Variants in TENM3 observed in about 807,000 individuals in gnomAD.
TENM3 encodes the protein teneurin transmembrane protein 3, also known as teneurin-3.
Under a neutral mutation model 255.1 loss-of-function variants are expected in TENM3, and 63 were observed. That is an observed-to-expected ratio of 0.25 (90% confidence interval 0.20 to 0.30). The LOEUF (loss-of-function observed/expected upper bound fraction) is 0.30, where lower values mean the gene tolerates loss of function less well. TENM3 is among the 10% of genes least tolerant of loss of function. TENM3 has a pLI of 1.00. For missense variants in TENM3, 2,929 were observed against 3,461.1 expected (o/e 0.85, Z 3.86); for synonymous variants, 1,306 against 1,322.3 (o/e 0.99, Z 0.27).
intron 2 of TENM3, among the ~76,000 whole-genome samples, chr4:182,335,452 G>A (rs530375061): frequency 3.9e-3 from 444 of 113,852 alleles, no homozygotes; most frequent in African/African-American, 0.013. Flanking sequence ...CCGAGATCGC[G>A]CCACCGCACT....
In TENM3 at chr4:182,789,832, C is replaced by T. The variant is rs935444696; in HGVS notation, c.5601+443C>T. 6.6e-6 allele frequency among the ~76,000 whole-genome samples: 1 copy of T among 152,058 alleles called. No homozygotes were observed. Among genetic ancestry groups the T allele is most frequent in the Admixed American group, 6.5e-5 (1 of 15,280 alleles). On this transcript the variant is annotated intron_variant, in intron 25 of 27. Transcript: ENST00000511685. The surrounding 1 kb of genome is among the most constrained non-coding windows in gnomAD (Gnocchi z 4.4). ...CATAATCATAAAAAGCATGTAGATC[C>T]TAGTTACGCATTATTAACCAAAAGA...
chr4:182,356,982 C>A (rs1429716891), intron 3 of TENM3, among the ~76,000 whole-genome samples: 14 of 150,832 alleles, frequency 9.3e-5, no homozygotes, highest in Non-Finnish European at 1.5e-4. Context: ...GTTTTTTGTT[C>A]TTGCAATAGT....
chr4:182,299,998 C>T (rs1468011533), intron 1 of TENM3, among the ~76,000 whole-genome samples: 2 of 151,880 alleles, frequency 1.3e-5, no homozygotes, highest in Non-Finnish European at 2.9e-5. Context: ...TTAATGCGGC[C>T]TCTGCCTCCT....
the TENM3 span, among the ~76,000 whole-genome samples, chr4:181,589,428 A>AAAGAAG: frequency 6.6e-6 from 1 of 152,204 alleles, no homozygotes; most frequent in Non-Finnish European, 1.5e-5. Flanking sequence ...ATTGAATGCT[A>AAAGAAG]TGTACAATAT....
chr4:182,451,871 GCTTTA>G (rs944811449), intron 3 of TENM3, among the ~76,000 whole-genome samples: 2 of 152,142 alleles, frequency 1.3e-5, no homozygotes, highest in African/African-American at 4.8e-5. Context: ...CGTTTGGTAG[GCTTTA>G]CTTTAAACAA....
chr4:181,898,076 C>T, the TENM3 span, among the ~76,000 whole-genome samples: 2 of 152,186 alleles, frequency 1.3e-5, no homozygotes, highest in Admixed American at 1.3e-4. Flanking sequence ...TTCTTTCTTC[C>T]TCTGCTGTAG....
chr4:182,038,668 C>G, the TENM3 span, among the ~76,000 whole-genome samples: 2 of 152,148 alleles, frequency 1.3e-5, no homozygotes, highest in East Asian at 1.9e-4. Context: ...GACTTGCGTT[C>G]AAGACCAATG....
At chr4:181,490,951 G>A in the TENM3 span, among the ~76,000 whole-genome samples, 11 of 152,096 alleles carry the variant, frequency 7.2e-5, no homozygotes, top group Admixed American at 2.0e-4. Context: ...CAAAACAAGC[G>A]TAATTTTGCA....
the TENM3 span, among the ~76,000 whole-genome samples, chr4:182,018,179 T>C: frequency 6.6e-6 from 1 of 152,184 alleles, no homozygotes; most frequent in Non-Finnish European, 1.5e-5. Context: ...TCAATATTAA[T>C]TGATTTATGT....
chr4:182,389,226 T>C (rs954339627), intron 3 of TENM3, among the ~76,000 whole-genome samples: 2 of 152,066 alleles, frequency 1.3e-5, no homozygotes, highest in African/African-American at 4.8e-5. Flanking sequence ...GAAAGTACAG[T>C]TTTGTGTTTC....
In TENM3 at chr4:182,792,460, G is replaced by C. The variant is rs747414557; in HGVS notation, c.5788G>C (p.Glu1930Gln). ...SNASIITDYN[E>Q]EGLLLQTAFL... Reference sequence around the variant, plus strand: ...CGCCTCCATCATCACGGACTACAACGAGGAAGGGCTGCTTCTACAAACAGC... The same window carrying C: ...CGCCTCCATCATCACGGACTACAACCAGGAAGGGCTGCTTCTACAAACAGC... Residue 1930 changes from glutamate (E) to glutamine (Q), a missense_variant, in exon 26 of 28, where the codon GAG becomes CAG. Physicochemically the swap from Glu to Gln is conservative, Grantham distance 29 (BLOSUM62 2). This residue lies in a region of TENM3 where 303 missense variants were observed against 425.2 expected (regional missense o/e 0.71). Coordinates refer to ENST00000511685, the MANE Select transcript of TENM3 (RefSeq NM_001080477.4). The surrounding 1 kb of genome is among the most constrained non-coding windows in gnomAD (Gnocchi z 6.3). The C allele has an allele frequency of 6.2e-7, 1 of 1,614,028 alleles. No homozygotes were observed. Among genetic ancestry groups the C allele is most frequent in the East Asian group, 2.2e-5 (1 of 44,888 alleles).
chr4:181,549,934 GT>G, the TENM3 span, among the ~76,000 whole-genome samples: 3 of 151,498 alleles, frequency 2.0e-5, no homozygotes, highest in East Asian at 1.9e-4. Flanking sequence ...AAACCATACA[GT>G]TTTTTTTTCT....
At chr4:181,924,232 G>A in the TENM3 span, among the ~76,000 whole-genome samples, 15 of 152,108 alleles carry the variant, frequency 9.9e-5, no homozygotes, top group South Asian at 4.1e-4. Flanking sequence ...CATCCATCTC[G>A]TCCCTCCACA....
the TENM3 span, among the ~76,000 whole-genome samples, chr4:181,834,307 G>C: frequency 1.3e-5 from 2 of 152,158 alleles, no homozygotes; most frequent in Admixed American, 1.3e-4. Context: ...ACTAAAGAGA[G>C]ATGCCCAACT....
chr4:182,490,254 A>G (rs1455507502), intron 3 of TENM3, among the ~76,000 whole-genome samples: 1 of 152,224 alleles, frequency 6.6e-6, no homozygotes, highest in African/African-American at 2.4e-5. Context: ...CAAATATTTC[A>G]GTAATAAATA....
chr4:182,680,421 C>T, intron 9 of TENM3, 72 bp downstream of exon 9: 1 of 1,475,866 alleles, frequency 6.8e-7, no homozygotes, highest in Non-Finnish European at 9.4e-7. Flanking sequence ...CCAAAAACTA[C>T]CGAGACAGGA....
At chr4:182,183,851 C>T (rs1752985281) in intron 1 of TENM3, among the ~76,000 whole-genome samples, 1 of 152,124 alleles carries the variant, frequency 6.6e-6, no homozygotes, top group African/African-American at 2.4e-5. Flanking sequence ...TTCTAGTCTT[C>T]AGTGGGGAAT....
chr4:181,448,177 T>C, the TENM3 span, among the ~76,000 whole-genome samples: 2 of 84,034 alleles, frequency 2.4e-5, no homozygotes, highest in Admixed American at 1.4e-4. Context: ...TTTTTTTTTT[T>C]TTTTTTTGAG....
the TENM3 span, among the ~76,000 whole-genome samples, chr4:181,715,633 T>C: frequency 6.6e-6 from 1 of 152,228 alleles, no homozygotes; most frequent in Non-Finnish European, 1.5e-5. Flanking sequence ...GTATTGGGTA[T>C]GCAGTGAGAT....
Sources: allele counts gnomAD v4.1 joint callset (sites outside exome capture counted in the v4.1 genomes callset), GRCh38; gene constraint gnomAD v4.1.1; regional missense constraint gnomAD v4.1.1; non-coding constraint Gnocchi (gnomAD v3.1); transcripts MANE v1.5; gene names NCBI Gene and HGNC (gene_info 2026-07-23, HGNC 2026-07-21).